The following LRRC8B variants were observed in gnomAD, a reference collection of about 807,000 sequenced individuals.
The protein encoded by LRRC8B is leucine rich repeat containing 8 VRAC subunit B.
LRRC8B carries 23 observed loss-of-function variants against 58.8 expected under a neutral mutation model. The ratio of observed to expected loss-of-function variants is 0.39; its 90% CI spans 0.28 to 0.55. LRRC8B has a LOEUF of 0.55. LRRC8B is among the 20% of genes least tolerant of loss of function. The pLI, the probability that LRRC8B is intolerant of heterozygous loss-of-function variation, is 0.62. For missense variants in LRRC8B, 694 were observed against 936.0 expected (o/e 0.74, Z 3.37); for synonymous variants, 359 against 374.1 (o/e 0.96, Z 0.47).
In LRRC8B at chr1:89,584,838, T is replaced by TGCG. The variant is rs769871677; in HGVS notation, c.2139+51_2139+52insGGC. 134 of 1,281,020 alleles carry TGCG rather than the reference T, an allele frequency of 1.0e-4. 1 individual carries two copies. Among genetic ancestry groups the TGCG allele is most frequent in the Non-Finnish European group, 1.3e-4 (121 of 914,316 alleles). 79.4% of individuals were successfully genotyped at this position (1,281,020 alleles called of 1,614,324 possible). On this transcript the variant is annotated intron_variant, in intron 5 of 5. Coordinates refer to ENST00000330947, the MANE Select transcript of LRRC8B (RefSeq NM_001369817.2). ...TATTCAGTATCTGCCGTACTTATAG[T>TGCG]GCATTACATAGGGAAAGAAAACACA...
rs1649535978 is a variant in LRRC8B, at chr1:89,524,938, G to C, written c.-325G>C. The stretch of plus-strand genomic sequence containing the variant: ...CAGCCTCCGGCAGCCGGGAAAGTGC[G>C]GGCGCGGGGCCGCAGCCTGCCCGCC... On this transcript the variant is annotated 5_prime_UTR_variant, in exon 1 of 6. Coordinates refer to ENST00000330947, the MANE Select transcript of LRRC8B (RefSeq NM_001369817.2). 1 of 152,208 alleles carries C rather than the reference G, an allele frequency of 6.6e-6. No individual in the cohort carries two copies. Among genetic ancestry groups the C allele is most frequent in the Admixed American group, 6.5e-5 (1 of 15,276 alleles). The allele number at this position is 152,208 out of a possible 1,614,324, so 9.4% of individuals were successfully genotyped here. A position where few individuals can be genotyped will look rare whatever the true frequency, so the allele number is the denominator to read the frequency against.
At chr1:89,536,419 AT>A (rs1041510891) in intron 1 of LRRC8B, among the ~76,000 whole-genome samples, 15 of 152,236 alleles carry the variant, frequency 9.9e-5, no homozygotes, top group Non-Finnish European at 7.3e-5. Flanking sequence ...AAGTGATAGT[AT>A]GAAGATTGAG....
chr1:89,550,097 C>G (rs935820056), intron 1 of LRRC8B: 2 of 152,158 alleles, frequency 1.3e-5, no homozygotes, highest in Non-Finnish European at 2.9e-5. Context: ...AATCTGCTAC[C>G]AAGTCCTTCT....
chr1:89,593,377 C>CA lies in LRRC8B; in HGVS notation c.*350dup, dbSNP rs200997401. ...GGGTGACAGAGCAAGACTCTTATCT[C>CA]AAAAAAAAAAAAAAAATGCTCCAGG... On this transcript the variant is annotated 3_prime_UTR_variant, in exon 6 of 6. Coordinates refer to ENST00000330947, the MANE Select transcript of LRRC8B (RefSeq NM_001369817.2). 4,486 of 135,494 alleles carry CA rather than the reference C, an allele frequency of 0.033. 87 individuals are homozygous for CA. Among genetic ancestry groups the CA allele is most frequent in the Admixed American group, 0.067 (897 of 13,292 alleles). The allele number at this position is 135,494 out of a possible 1,614,324, so 8.4% of individuals were successfully genotyped here. A position where few individuals can be genotyped will look rare whatever the true frequency, so the allele number is the denominator to read the frequency against.
In LRRC8B at chr1:89,583,481, A is replaced by C; in HGVS notation, c.831A>C (p.Pro277=). 1 of 1,613,848 alleles carries C rather than the reference A, an allele frequency of 6.2e-7. No individual in the cohort carries two copies. Among genetic ancestry groups the C allele is most frequent in the Non-Finnish European group, 8.5e-7 (1 of 1,179,962 alleles). The change falls in exon 5 of 6, where the codon CCA becomes CCC. Residue 277 remains proline, a synonymous_variant. Coordinates refer to ENST00000330947, the MANE Select transcript of LRRC8B (RefSeq NM_001369817.2). The surrounding 1 kb of genome is among the most constrained non-coding windows in gnomAD (Gnocchi z 5.2). ...TTGTGCTCATCATAACTTATGTTCC[A>C]TATTTTTTAACCCACATCACTCTTG... ...ILFVLIITYV[P]YFLTHITLEI... is the part of the protein sequence containing the mutation.
chr1:89,524,840 G>A lies in LRRC8B; in HGVS notation c.-423G>A, dbSNP rs1649515256. ...GCCGCCGAGCGCCCATTGGCCAGCG[G>A]AACGCGTCGCGTCACAATGGAGCCG... On this transcript the variant is annotated 5_prime_UTR_variant, in exon 1 of 6. Coordinates refer to ENST00000330947, the MANE Select transcript of LRRC8B (RefSeq NM_001369817.2). The A allele has an allele frequency of 2.0e-5, 3 of 152,374 alleles. No individual in the cohort carries two copies. The East Asian group carries it at 5.8e-4, about 29-fold the overall frequency. 9.4% of individuals were successfully genotyped at this position (152,374 alleles called of 1,614,324 possible).
chr1:89,582,802 G>T lies in LRRC8B; in HGVS notation c.152G>T (p.Arg51Met). ...GGAGCTCTCCAGCTGACGCAGAGCAGGGTTCTGTGCTGTCTTCCATGCAAA... is the reference window on the plus strand; with the variant it reads ...GGAGCTCTCCAGCTGACGCAGAGCATGGTTCTGTGCTGTCTTCCATGCAAA... Reference protein sequence around the residue: ...LAGALQLTQSRVLCCLPCKVE... With the variant: ...LAGALQLTQSMVLCCLPCKVE... Residue 51 changes from arginine (R) to methionine (M), a missense_variant, in exon 5 of 6, where the codon AGG becomes ATG. This residue lies in a region of LRRC8B where 316 missense variants were observed against 403.8 expected (regional missense o/e 0.78). Coordinates refer to ENST00000330947, the MANE Select transcript of LRRC8B (RefSeq NM_001369817.2). 1.2e-6 allele frequency: 2 copies of T among 1,614,164 alleles called. No homozygotes were observed. Among genetic ancestry groups the T allele is most frequent in the Non-Finnish European group, 1.7e-6 (2 of 1,180,036 alleles).
chr1:89,545,362 A>C (rs1161313714), intron 1 of LRRC8B, among the ~76,000 whole-genome samples: 4 of 152,230 alleles, frequency 2.6e-5, no homozygotes, highest in African/African-American at 9.6e-5. Flanking sequence ...TTAGAGAGGG[A>C]GAGAGGAAGA....
At chr1:89,586,782 T>A (rs1261409886) in intron 5 of LRRC8B, among the ~76,000 whole-genome samples, 1 of 152,192 alleles carries the variant, frequency 6.6e-6, no homozygotes, top group Non-Finnish European at 1.5e-5. Flanking sequence ...CTGATCATCT[T>A]TGGAGCCAAA....
chr1:89,538,949 T>C (rs928693452), intron 1 of LRRC8B, among the ~76,000 whole-genome samples: 1 of 152,172 alleles, frequency 6.6e-6, no homozygotes, highest in Admixed American at 6.6e-5. Flanking sequence ...CTCAAACTCC[T>C]GACCTCAGGT....
At chr1:89,542,016 A>G (rs945424911) in intron 1 of LRRC8B, among the ~76,000 whole-genome samples, 1 of 152,346 alleles carries the variant, frequency 6.6e-6, no homozygotes, top group Non-Finnish European at 1.5e-5. Flanking sequence ...TTAATGTAAT[A>G]TATGGCTTTT....
intron 1 of LRRC8B, among the ~76,000 whole-genome samples, chr1:89,529,547 A>G (rs1244713351): frequency 6.6e-6 from 1 of 152,196 alleles, no homozygotes; most frequent in East Asian, 1.9e-4. Flanking sequence ...TTGAAAGAAA[A>G]AAAGTATATA....
chr1:89,528,596 A>G (rs1042996174), intron 1 of LRRC8B, among the ~76,000 whole-genome samples: 1 of 152,242 alleles, frequency 6.6e-6, no homozygotes, highest in African/African-American at 2.4e-5. Context: ...AGAGACTGCA[A>G]AGAACAATGG....
At chr1:89,578,712 G>A (rs575306911) in intron 3 of LRRC8B, among the ~76,000 whole-genome samples, 1 of 150,920 alleles carries the variant, frequency 6.6e-6, no homozygotes. Flanking sequence ...TTTTAAAAAG[G>A]ATTGTATAAT....
At chr1:89,578,157 A>G (rs1479061456) in intron 3 of LRRC8B, among the ~76,000 whole-genome samples, 1 of 152,232 alleles carries the variant, frequency 6.6e-6, no homozygotes, top group Non-Finnish European at 1.5e-5. Flanking sequence ...TAAATGAGAC[A>G]TGCTTTGAAG....
intron 1 of LRRC8B, among the ~76,000 whole-genome samples, chr1:89,549,244 A>G (rs1651635111): frequency 6.6e-6 from 1 of 152,236 alleles, no homozygotes; most frequent in Admixed American, 6.5e-5. Flanking sequence ...CCAAAGGATA[A>G]CATTTTCCAA....
At chr1:89,559,526 C>T (rs926416884) in intron 1 of LRRC8B, among the ~76,000 whole-genome samples, 7 of 150,448 alleles carry the variant, frequency 4.7e-5, no homozygotes, top group African/African-American at 7.3e-5. Context: ...CCCAGCTACT[C>T]GGGAGGCTAA....
intron 1 of LRRC8B, among the ~76,000 whole-genome samples, chr1:89,549,425 G>A (rs1651648867): frequency 6.6e-6 from 1 of 152,146 alleles, no homozygotes; most frequent in Non-Finnish European, 1.5e-5. Context: ...AAAGGGAGCA[G>A]CTCTTTAACA....
At chr1:89,534,801 A>G (rs1027854119) in intron 1 of LRRC8B, among the ~76,000 whole-genome samples, 1 of 152,182 alleles carries the variant, frequency 6.6e-6, no homozygotes, top group African/African-American at 2.4e-5. Flanking sequence ...GTGATTTATC[A>G]CAGAAACGAT....
Sources: allele counts gnomAD v4.1 joint callset (sites outside exome capture counted in the v4.1 genomes callset), GRCh38; gene constraint gnomAD v4.1.1; regional missense constraint gnomAD v4.1.1; non-coding constraint Gnocchi (gnomAD v3.1); transcripts MANE v1.5; gene names NCBI Gene and HGNC (gene_info 2026-07-23, HGNC 2026-07-21).